Variants in PLCD1 observed in about 807,000 individuals in gnomAD.
PLCD1 encodes phospholipase C delta 1, also known as 1-phosphatidylinositol 4,5-bisphosphate phosphodiesterase delta-1.
In PLCD1, 71 loss-of-function variants were observed where a neutral mutation model predicts 87.4. The ratio of observed to expected loss-of-function variants is 0.81; its 90% CI spans 0.67 to 0.99. The LOEUF (loss-of-function observed/expected upper bound fraction) is 0.99. PLCD1 is among the 50% of genes least tolerant of loss of function. The pLI is 0.00. For missense variants in PLCD1, 867 were observed against 1,001.5 expected, an observed-to-expected ratio of 0.87 and a Z score of 1.81; for synonymous variants, 348 against 399.2, an observed-to-expected ratio of 0.87 and a Z score of 1.53.
chr3:38,008,946 C>A (rs1700018360), intron 11 of PLCD1, 96 bp downstream of exon 11: 2 of 1,010,858 alleles, frequency 2.0e-6, no homozygotes, highest in East Asian at 2.4e-5. Context: ...TGCTTGGGTC[C>A]TCAGAGCTCC....
chr3:38,028,127 A>G (rs1268872585), intron 1 of PLCD1, among the ~76,000 whole-genome samples: 1 of 152,236 alleles, frequency 6.6e-6, no homozygotes, highest in East Asian at 1.9e-4. Context: ...GCCTGTTCCA[A>G]CAGGAGCCAA....
At position 38,009,716 on chromosome 3, in the gene PLCD1, G is replaced by T; in HGVS notation, c.1383C>A (p.Asp461Glu). The T allele has an allele frequency of 6.2e-7, 1 of 1,614,096 alleles. No individual in the cohort carries two copies. The highest frequency in any genetic ancestry group is 1.7e-5 in the Admixed American group (1 of 60,018). The change falls in exon 9 of 15, where the codon GAC (aspartate) becomes GAA (glutamate). Residue 461 changes from aspartate (D) to glutamate (E), a missense_variant. By Grantham distance (45) the Asp-to-Glu change is conservative. Coordinates refer to ENST00000334661, the MANE Select transcript of PLCD1 (RefSeq NM_006225.4). ...CCTCCATCTCAGCAGCCTCGTCTTC[G>T]TCTGACACCACAGTGGCCTCAGGGC... ...EGGPEATVVS[D>E]EDEAAEMEDE... is the part of the protein sequence containing the mutation.
chr3:38,020,449 C>T, intron 1 of PLCD1, 97 bp from the exon 2 acceptor site: 11 of 1,106,840 alleles, frequency 9.9e-6, no homozygotes, highest in Non-Finnish European at 1.5e-5. Context: ...CTCTCAGAGC[C>T]CACTTTTCAC....
rs922479341 is a variant in PLCD1, at chr3:38,025,608, C to T, written c.34+3898G>A. The stretch of plus-strand genomic sequence containing the variant: ...CAAGGTGACGGATGCAAACGAAATT[C>T]TTGAAAAAATTCTGATCTTAAAATA... On this transcript the variant is annotated intron_variant, in intron 1 of 14. Transcript: ENST00000334661. This position sits in a 1 kb window ranked among gnomAD's most constrained non-coding sequence, Gnocchi z 4.0. Among the ~76,000 whole-genome samples, 5 of 152,206 alleles carry T rather than the reference C, an allele frequency of 3.3e-5. No homozygotes were observed. Among genetic ancestry groups the T allele is most frequent in the African/African-American group, 9.7e-5 (4 of 41,446 alleles).
At chr3:38,008,194 G>A (rs769285074) in intron 13 of PLCD1, 31 bp from the exon 14 acceptor site, 3 of 1,613,620 alleles carry the variant, frequency 1.9e-6, no homozygotes, top group Middle Eastern at 1.6e-4. Flanking sequence ...TCAGCAGCAT[G>A]GACACCAGCC....
At position 38,029,562 on chromosome 3, in the gene PLCD1, A is replaced by G; in HGVS notation, c.-23T>C. 1 of 1,535,658 alleles carries G rather than the reference A, an allele frequency of 6.5e-7. No individual in the cohort carries two copies. The highest frequency in any genetic ancestry group is 8.7e-7 in the Non-Finnish European group (1 of 1,145,734). On this transcript the variant is annotated 5_prime_UTR_variant, in exon 1 of 15. Coordinates refer to ENST00000334661, the MANE Select transcript of PLCD1 (RefSeq NM_006225.4). ...CATGCCCGACGGGCGGCGCGGCGGGAGGGGCACCGCGGGACTCACTTGAGT... is the reference window on the plus strand; with the variant it reads ...CATGCCCGACGGGCGGCGCGGCGGGGGGGGCACCGCGGGACTCACTTGAGT...
intron 13 of PLCD1, 34 bp from the exon 14 acceptor site, chr3:38,008,197 C>T (rs998406138): frequency 1.2e-6 from 2 of 1,613,596 alleles, no homozygotes; most frequent in Non-Finnish European, 1.7e-6. Flanking sequence ...GCAGCATGGA[C>T]ACCAGCCCTA....
chr3:38,008,340 C>CTT lies in PLCD1; in HGVS notation c.1928_1929dup (p.Val644LysfsTer14). On this transcript the variant is annotated frameshift_variant, in exon 13 of 15. Coordinates refer to ENST00000334661, the MANE Select transcript of PLCD1 (RefSeq NM_006225.4). LOFTEE classifies it high-confidence loss of function. ...ACAATTGAATTCTTATTCTTGTTGACTTTTGGCAGCTGCTGCCCCGAAATG... is the reference window on the plus strand; with the variant it reads ...ACAATTGAATTCTTATTCTTGTTGACTTTTTTGGCAGCTGCTGCCCCGAAATG... 1.2e-6 allele frequency: 2 copies of CTT among 1,614,248 alleles called. No homozygotes were observed. The highest frequency in any genetic ancestry group is 2.2e-5 in the South Asian group (2 of 91,086).
At position 38,009,140 on chromosome 3, in the gene PLCD1, T is replaced by C. The variant is rs929798121; in HGVS notation, c.1625A>G (p.His542Arg). The change falls in exon 11 of 15, where the codon CAC becomes CGC. Residue 542 changes from histidine to arginine, a missense_variant. Physicochemically the swap from His to Arg is conservative, Grantham distance 29. Coordinates refer to ENST00000334661, the MANE Select transcript of PLCD1 (RefSeq NM_006225.4). ...LQESGNGFVRHNVGHLSRIYP... is the reference protein window; with the variant it reads ...LQESGNGFVRRNVGHLSRIYP... ...GATTCTGCTCAGGTGCCCCACGTTGTGGCGGACAAAGCCGTTTCCTGAGGG... is the reference window on the plus strand; with the variant it reads ...GATTCTGCTCAGGTGCCCCACGTTGCGGCGGACAAAGCCGTTTCCTGAGGG... The C allele has an allele frequency of 1.9e-6, 3 of 1,614,038 alleles. No individual in the cohort carries two copies. Among genetic ancestry groups the C allele is most frequent in the African/African-American group, 1.3e-5 (1 of 74,930 alleles).
At chr3:38,009,623 G>T (rs764204404) in intron 9 of PLCD1, 30 bp downstream of exon 9, 1 of 1,613,160 alleles carries the variant, frequency 6.2e-7, no homozygotes, top group African/African-American at 1.3e-5. Context: ...GAAGGCCCGG[G>T]CTGCCCCACC....
intron 1 of PLCD1, among the ~76,000 whole-genome samples, chr3:38,023,212 A>G (rs1231815852): frequency 6.6e-6 from 1 of 152,100 alleles, no homozygotes; most frequent in African/African-American, 2.4e-5. Context: ...ACACAGCTAC[A>G]CAGATATGGC....
chr3:38,009,740 G>A lies in PLCD1; in HGVS notation c.1359C>T (p.Gly453=). The A allele has an allele frequency of 7.4e-6, 12 of 1,614,088 alleles. No individual in the cohort carries two copies. Among genetic ancestry groups the A allele is most frequent in the Non-Finnish European group, 1.0e-5 (12 of 1,179,984 alleles). The part of the protein sequence containing the change: ...GGLLPPGGEG[G]PEATVVSDED... ...CGTCTGACACCACAGTGGCCTCAGGGCCACCCTCCCCTCCAGGGGGCAGGA... is the reference window on the plus strand; with the variant it reads ...CGTCTGACACCACAGTGGCCTCAGGACCACCCTCCCCTCCAGGGGGCAGGA... The change falls in exon 9 of 15, where the codon GGC becomes GGT. Residue 453 remains glycine (G), a synonymous_variant. Coordinates refer to ENST00000334661, the MANE Select transcript of PLCD1 (RefSeq NM_006225.4).
intron 1 of PLCD1, among the ~76,000 whole-genome samples, chr3:38,027,307 C>A (rs1027208120): frequency 3.9e-5 from 6 of 152,162 alleles, no homozygotes; most frequent in Non-Finnish European, 7.4e-5. Context: ...GGGGAGGGGG[C>A]CTCCTGCAGG....
chr3:38,013,741 G>A (rs1032715389), intron 3 of PLCD1, among the ~76,000 whole-genome samples: 1 of 152,204 alleles, frequency 6.6e-6, no homozygotes, highest in African/African-American at 2.4e-5. Flanking sequence ...GCATGAGACT[G>A]TCCAAGGTCA....
rs372083949 is a variant in PLCD1 at position 38,016,486 on chromosome 3, G to A, written c.428+5C>T. The A allele has an allele frequency of 7.5e-6, 12 of 1,602,170 alleles. No individual in the cohort carries two copies. In the African/African-American group the frequency reaches 1.6e-4, roughly 21 times the overall value. ...GGCCTGGACCCACTGCCACCAAAAGGATACTGCTGTAGCTTCTGACGCTGG... is the reference window on the plus strand; with the variant it reads ...GGCCTGGACCCACTGCCACCAAAAGAATACTGCTGTAGCTTCTGACGCTGG... On this transcript the variant is annotated splice_donor_5th_base_variant and intron_variant, in intron 3 of 14. Transcript: ENST00000334661.
rs1700015266 is a variant in PLCD1 at position 38,008,920 on chromosome 3, C to G, written c.1723+122G>C. 8.9e-6 allele frequency: 7 copies of G among 789,720 alleles called. No homozygotes were observed. The Admixed American group carries it at 1.4e-4, about 15-fold the overall frequency. The allele number at this position is 789,720 out of a possible 1,614,324, so 48.9% of individuals were successfully genotyped here. A position where few individuals can be genotyped will look rare whatever the true frequency, so the allele number is the denominator to read the frequency against. ...AGACTGATATTACCAGCTCCACAAG[C>G]CCCTGCATTTGACCCTGCTTGGGTC... is the stretch of plus-strand genomic sequence containing the variant. On this transcript the variant is annotated intron_variant, in intron 11 of 14. Coordinates refer to ENST00000334661, the MANE Select transcript of PLCD1 (RefSeq NM_006225.4).
chr3:38,008,123 T>G lies in PLCD1; in HGVS notation c.2076A>C (p.Val692=). Residue 692 remains valine (V), a synonymous_variant, in exon 14 of 15, where the codon GTA becomes GTC. Coordinates refer to ENST00000334661, the MANE Select transcript of PLCD1 (RefSeq NM_006225.4). ...PWWDTEFAFE[V]VVPDLALIRF... is the part of the protein sequence containing the mutation. ...GGATGAGGGCAAGGTCAGGCACAAC[T>G]ACCTCAAACGCAAACTCCGTGTCCC... is the stretch of plus-strand genomic sequence containing the variant. The G allele has an allele frequency of 6.2e-7, 1 of 1,613,976 alleles. No homozygotes were observed.
intron 3 of PLCD1, among the ~76,000 whole-genome samples, chr3:38,014,005 C>A (rs1365817499): frequency 6.6e-6 from 1 of 151,884 alleles, no homozygotes; most frequent in Non-Finnish European, 1.5e-5. Context: ...GAATAAAATG[C>A]TTTTAAAGAA....
intron 3 of PLCD1, among the ~76,000 whole-genome samples, chr3:38,015,697 T>C (rs763387808): frequency 2.6e-5 from 4 of 152,222 alleles, no homozygotes; most frequent in Non-Finnish European, 4.4e-5. Flanking sequence ...CAGTGTGTCA[T>C]TGTGTAACTA....
Sources: allele counts gnomAD v4.1 joint callset (sites outside exome capture counted in the v4.1 genomes callset), GRCh38; gene constraint gnomAD v4.1.1; non-coding constraint Gnocchi (gnomAD v3.1); transcripts MANE v1.5; gene names NCBI Gene and HGNC (gene_info 2026-07-23, HGNC 2026-07-21).